The following SCLT1 variants were observed in gnomAD, a reference collection of about 807,000 sequenced individuals.
The protein encoded by SCLT1 is sodium channel-associated protein 1.
A neutral mutation model predicts 112.8 loss-of-function variants in SCLT1; 78 were observed. That is an observed-to-expected ratio of 0.69 (90% CI 0.58 to 0.83). The LOEUF is 0.83. Ranked by LOEUF, SCLT1 falls within the 40% of genes least tolerant of loss-of-function variation. The probability of loss-of-function intolerance (pLI) is 0.00; values close to 1 mark genes in which losing one functional copy is unlikely to be tolerated. For missense variants in SCLT1, 747 were observed against 770.4 expected, an observed-to-expected ratio of 0.97 and a Z score of 0.36; for synonymous variants, 257 against 254.7, an observed-to-expected ratio of 1.01 and a Z score of -0.09.
intron 3 of SCLT1, among the ~76,000 whole-genome samples, chr4:128,878,987 G>A (rs1291810147): frequency 6.6e-6 from 1 of 151,744 alleles, no homozygotes; most frequent in Non-Finnish European, 1.5e-5. Flanking sequence ...AGGCTCACTC[G>A]GGAGGGGGGA....
intron 1 of SCLT1, among the ~76,000 whole-genome samples, chr4:129,088,781 G>A (rs909820710): frequency 2.6e-5 from 4 of 152,150 alleles, no homozygotes; most frequent in African/African-American, 9.7e-5. Flanking sequence ...AAATGGTGCT[G>A]GGAAAACTGG....
intron 2 of SCLT1, among the ~76,000 whole-genome samples, chr4:129,049,019 G>T (rs530491088): frequency 1.1e-3 from 164 of 151,938 alleles, no homozygotes; most frequent in African/African-American, 3.1e-3. Context: ...GGAACACTTT[G>T]ACACTGTTGG....
chr4:128,953,618 C>T (rs1305062821), intron 13 of SCLT1, among the ~76,000 whole-genome samples: 1 of 151,656 alleles, frequency 6.6e-6, no homozygotes, highest in African/African-American at 2.4e-5. Flanking sequence ...CACAGTGAAA[C>T]TCCGTCTCTA....
At position 129,009,016 on chromosome 4, in the gene SCLT1, A is replaced by G. The variant is rs191125106; in HGVS notation, c.291-5140T>C. Reference sequence around the variant, plus strand: ...ATCTTGTTCTTTTTTATGGATGCATAGTATTCCATTGTATATATGTACCAT... The same window carrying G: ...ATCTTGTTCTTTTTTATGGATGCATGGTATTCCATTGTATATATGTACCAT... On this transcript the variant is annotated intron_variant, in intron 5 of 20. Coordinates refer to ENST00000281142, the MANE Select transcript of SCLT1 (RefSeq NM_144643.4). Among the ~76,000 whole-genome samples, 3 of 152,334 alleles carry G rather than the reference A, an allele frequency of 2.0e-5. No homozygotes were observed. In the East Asian group the frequency reaches 5.8e-4, roughly 29 times the overall value.
At chr4:129,031,302 G>A (rs1037407493) in intron 5 of SCLT1, among the ~76,000 whole-genome samples, 8 of 152,020 alleles carry the variant, frequency 5.3e-5, no homozygotes, top group Non-Finnish European at 1.0e-4. Context: ...GGTATTAATG[G>A]AGCATTTCTC....
At chr4:129,060,113 T>C (rs997963932) in intron 2 of SCLT1, among the ~76,000 whole-genome samples, 2 of 152,192 alleles carry the variant, frequency 1.3e-5, no homozygotes, top group African/African-American at 4.8e-5. Flanking sequence ...ATCAAGTCTC[T>C]CCTTGAAGGC....
intron 14 of SCLT1, 79 bp downstream of exon 14, chr4:128,952,690 A>C: frequency 3.5e-6 from 3 of 848,932 alleles, no homozygotes; most frequent in Non-Finnish European, 6.0e-6. Context: ...CTTTTGAATG[A>C]ATGAATCCCC....
intron 2 of SCLT1, among the ~76,000 whole-genome samples, chr4:129,076,919 A>C (rs1751515293): frequency 6.6e-6 from 1 of 152,146 alleles, no homozygotes; most frequent in Non-Finnish European, 1.5e-5. Flanking sequence ...ATATCTTTTA[A>C]AAGTTACATA....
chr4:129,079,663 G>A (rs1751764671), intron 2 of SCLT1, among the ~76,000 whole-genome samples: 1 of 152,168 alleles, frequency 6.6e-6, no homozygotes, highest in South Asian at 2.1e-4. Context: ...GCAAGCTGTT[G>A]GTGGACCTAC....
intron 5 of SCLT1, among the ~76,000 whole-genome samples, chr4:129,008,572 C>T (rs1354238629): frequency 6.6e-6 from 1 of 152,008 alleles, no homozygotes; most frequent in Non-Finnish European, 1.5e-5. Flanking sequence ...TCTGTCTTTC[C>T]TGTTCTCTCT....
At chr4:129,038,926 G>T in intron 5 of SCLT1, 115 bp downstream of exon 5, 1 of 703,164 alleles carries the variant, frequency 1.4e-6, no homozygotes, top group Non-Finnish European at 2.5e-6. Context: ...TAGAAAATCA[G>T]CCCCGGGGTC....
At position 129,093,174 on chromosome 4, in the gene SCLT1, G is replaced by C; in HGVS notation, c.-71C>G. ...CTGAAAGACAGAGAGCTTGCTGTGC[G>C]GGAAAACAAAACTAAGCCAACGCTC... On this transcript the variant is annotated 5_prime_UTR_variant, in exon 1 of 21. Transcript: ENST00000281142. 6.8e-7 allele frequency: 1 copy of C among 1,470,622 alleles called. No homozygotes were observed. The allele number at this position is 1,470,622 out of a possible 1,614,324, so 91.1% of individuals were successfully genotyped here. A position where few individuals can be genotyped will look rare whatever the true frequency, so the allele number is the denominator to read the frequency against.
At chr4:128,911,202 G>T (rs1017002453) in intron 18 of SCLT1, among the ~76,000 whole-genome samples, 5 of 152,166 alleles carry the variant, frequency 3.3e-5, no homozygotes, top group Admixed American at 2.0e-4. Flanking sequence ...GGAGGCGGAG[G>T]TTGCAGTGAG....
At chr4:128,926,628 A>T (rs907867137) in intron 18 of SCLT1, among the ~76,000 whole-genome samples, 54 of 152,134 alleles carry the variant, frequency 3.5e-4, no homozygotes, top group African/African-American at 1.3e-3. Flanking sequence ...TTGTTCATAT[A>T]TATTTATTAC....
intron 5 of SCLT1, among the ~76,000 whole-genome samples, chr4:129,014,973 G>A (rs1455489620): frequency 6.6e-6 from 1 of 152,086 alleles, no homozygotes; most frequent in Non-Finnish European, 1.5e-5. Context: ...AGGGGCACTG[G>A]TAGGCACAGG....
intron 5 of SCLT1, among the ~76,000 whole-genome samples, chr4:129,034,631 A>G (rs1441510145): frequency 6.6e-6 from 1 of 151,222 alleles, no homozygotes; most frequent in Non-Finnish European, 1.5e-5. Flanking sequence ...AATTTCAAAA[A>G]AACTTTTTAG....
intron 14 of SCLT1, among the ~76,000 whole-genome samples, chr4:128,950,228 T>C (rs751292217): frequency 6.6e-6 from 1 of 152,158 alleles, no homozygotes; most frequent in Non-Finnish European, 1.5e-5. Flanking sequence ...TTAATATATA[T>C]GTTAATAACA....
chr4:128,963,573 T>C (rs768032870), intron 11 of SCLT1, among the ~76,000 whole-genome samples: 15 of 152,190 alleles, frequency 9.9e-5, no homozygotes, highest in Non-Finnish European at 1.8e-4. Flanking sequence ...CTGGGGCATA[T>C]CTCAACTATC....
intron 20 of SCLT1, among the ~76,000 whole-genome samples, chr4:128,886,736 T>C (rs1450169475): frequency 6.6e-6 from 1 of 152,166 alleles, no homozygotes; most frequent in Admixed American, 6.5e-5. Flanking sequence ...GTGGAATCTT[T>C]GCCATTGGAG....
Sources: gnomAD v4.1 joint callset for allele counts (sites outside exome capture counted in the v4.1 genomes callset) on GRCh38, gnomAD v4.1.1 for gene constraint, MANE v1.5 for transcripts, NCBI Gene and HGNC (gene_info 2026-07-23, HGNC 2026-07-21) for gene names.